Variants in SLC7A8 observed in about 807,000 individuals in gnomAD.
SLC7A8 encodes the protein solute carrier family 7 member 8.
A neutral mutation model predicts 51.2 loss-of-function variants in SLC7A8; 30 were observed. The observed-to-expected ratio is 0.59, with a 90% CI of 0.44 to 0.80. SLC7A8 has a LOEUF of 0.80. Ranked by LOEUF, SLC7A8 falls within the 30% of genes least tolerant of loss-of-function variation. SLC7A8 has a pLI of 0.00. For synonymous variants in SLC7A8, 257 were observed against 275.8 expected (o/e 0.93, Z 0.67); for missense variants, 612 against 674.4 (o/e 0.91, Z 1.03).
chr14:23,142,186 G>C (rs2048751549), intron 4 of SLC7A8, among the ~76,000 whole-genome samples: 1 of 152,214 alleles, frequency 6.6e-6, no homozygotes, highest in African/African-American at 2.4e-5. Flanking sequence ...TTCAGGGCTT[G>C]TGGGAAATTT....
intron 1 of SLC7A8, among the ~76,000 whole-genome samples, chr14:23,173,488 C>T (rs1475729233): frequency 6.6e-6 from 1 of 152,100 alleles, no homozygotes; most frequent in African/African-American, 2.4e-5. Flanking sequence ...AATTTCAGAA[C>T]CAAAATTATT....
At chr14:23,131,830 G>C (rs1310581819) in intron 7 of SLC7A8, among the ~76,000 whole-genome samples, 1 of 152,192 alleles carries the variant, frequency 6.6e-6, no homozygotes, top group Non-Finnish European at 1.5e-5. Context: ...ACTGATAATT[G>C]TACTGTCACT....
At chr14:23,173,751 C>T (rs1380229644) in intron 1 of SLC7A8, among the ~76,000 whole-genome samples, 1 of 152,118 alleles carries the variant, frequency 6.6e-6, no homozygotes, top group Non-Finnish European at 1.5e-5. Context: ...AAGCAATCCT[C>T]CCACCTCAGC....
At chr14:23,131,628 C>T in intron 7 of SLC7A8, 71 bp from the exon 8 acceptor site, 1 of 1,252,184 alleles carries the variant, frequency 8.0e-7, no homozygotes, top group South Asian at 1.6e-5. Context: ...TTCATCCTTG[C>T]CTACCTTCTG....
At chr14:23,129,501 C>A in intron 9 of SLC7A8, 149 bp downstream of exon 9, 1 of 842,262 alleles carries the variant, frequency 1.2e-6, no homozygotes. Flanking sequence ...TGGTCCCATT[C>A]ACAAATGGCC....
At chr14:23,136,759 G>A (rs999881675) in intron 7 of SLC7A8, among the ~76,000 whole-genome samples, 1 of 152,182 alleles carries the variant, frequency 6.6e-6, no homozygotes, top group Non-Finnish European at 1.5e-5. Flanking sequence ...CCACTCTAAA[G>A]TGACTGTAGC....
At chr14:23,157,719 A>G (rs1329080317) in intron 3 of SLC7A8, among the ~76,000 whole-genome samples, 2 of 152,168 alleles carry the variant, frequency 1.3e-5, no homozygotes, top group Admixed American at 6.5e-5. Flanking sequence ...TCCGTGCTGA[A>G]TATTGCCTGA....
At chr14:23,180,153 G>T (rs574249757) in intron 1 of SLC7A8, among the ~76,000 whole-genome samples, 7 of 152,156 alleles carry the variant, frequency 4.6e-5, no homozygotes, top group Admixed American at 3.3e-4. Flanking sequence ...TGATCCGCCC[G>T]CCTTGGCCTC....
In SLC7A8 at chr14:23,135,308, C is replaced by T. The variant is rs1013277759; in HGVS notation, c.1016+2613G>A. 7.1e-4 allele frequency among the ~76,000 whole-genome samples: 108 copies of T among 151,208 alleles called. 2 individuals are homozygous for T. The highest frequency in any genetic ancestry group is 5.3e-4 in the Admixed American group (8 of 15,218). The stretch of plus-strand genomic sequence containing the variant: ...GTTTCATTATATTGGCTAGGCTGGT[C>T]TCAAACTCCTGACCTTGTGATCCGC... On this transcript the variant is annotated intron_variant, in intron 7 of 10. Transcript: ENST00000316902.
rs748587205 is a variant in SLC7A8 at position 23,182,756 on chromosome 14, G to A, written c.151+8C>T. ...GAGGAGGGGTCCGCGGGAAGGAATG[G>A]AACTCACCTACGATGATACCACAGG... On this transcript the variant is annotated splice_region_variant and intron_variant, in intron 1 of 10. Transcript: ENST00000316902. The A allele has an allele frequency of 6.4e-7, 1 of 1,552,672 alleles. No individual in the cohort carries two copies. The highest frequency in any genetic ancestry group is 8.7e-7 in the Non-Finnish European group (1 of 1,151,376).
At chr14:23,169,793 A>G (rs2048967472) in intron 1 of SLC7A8, among the ~76,000 whole-genome samples, 1 of 152,184 alleles carries the variant, frequency 6.6e-6, no homozygotes, top group South Asian at 2.1e-4. Context: ...TATTATCCCT[A>G]TTTTATGGAT....
chr14:23,173,786 G>A (rs766105673), intron 1 of SLC7A8, among the ~76,000 whole-genome samples: 3 of 151,298 alleles, frequency 2.0e-5, no homozygotes, highest in Admixed American at 6.6e-5. Flanking sequence ...GACCACAGGC[G>A]TGTGCCACCC....
At chr14:23,143,356 C>T (rs1213305417) in intron 3 of SLC7A8, 152 bp from the exon 4 acceptor site, 2 of 1,090,080 alleles carry the variant, frequency 1.8e-6, no homozygotes, top group Non-Finnish European at 2.6e-6. Context: ...GGACCAGAGA[C>T]TTTGGCTAGG....
At position 23,128,185 on chromosome 14, in the gene SLC7A8, C is replaced by G. The variant is rs1227128995; in HGVS notation, c.1275G>C (p.Leu425=). The change falls in exon 10 of 11, where the codon CTG becomes CTC. Residue 425 remains leucine, a synonymous_variant. Transcript: ENST00000316902. This position sits in a 1 kb window ranked among gnomAD's most constrained non-coding sequence, Gnocchi z 4.3. The part of the protein sequence containing the change: ...DIPRPIKINL[L]FPIIYLLFWA... Reference sequence around the variant, plus strand: ...AGAACAGCAAGTAGATGATGGGGAACAGCAGGTTGATCTGTGGAGCAGAGG... The same window carrying G: ...AGAACAGCAAGTAGATGATGGGGAAGAGCAGGTTGATCTGTGGAGCAGAGG... The G allele has an allele frequency of 6.2e-7, 1 of 1,614,098 alleles. No homozygotes were observed. The highest frequency in any genetic ancestry group is 8.5e-7 in the Non-Finnish European group (1 of 1,179,986).
chr14:23,139,220 T>C (rs1463092828), intron 6 of SLC7A8, among the ~76,000 whole-genome samples: 4 of 152,188 alleles, frequency 2.6e-5, no homozygotes, highest in African/African-American at 7.2e-5. Context: ...CCATTGTAGC[T>C]GTTCTAGGTA....
In SLC7A8 at chr14:23,137,962, G is replaced by T. The variant is rs1207824938; in HGVS notation, c.975C>A (p.Ser325=). The T allele has an allele frequency of 1.9e-6, 3 of 1,613,670 alleles. No homozygotes were observed. The highest frequency in any genetic ancestry group is 2.5e-6 in the Non-Finnish European group (3 of 1,180,014). ...GAGACCCATTAACTCCTCCAAATGT[G>T]GACAGGGCAACAGAAATGGGCATGA... The part of the protein sequence containing the change: ...AWIMPISVAL[S]TFGGVNGSLF... The change falls in exon 7 of 11, where the codon TCC becomes TCA. Residue 325 remains serine (S), a synonymous_variant. Coordinates refer to ENST00000316902, the MANE Select transcript of SLC7A8 (RefSeq NM_012244.4).
chr14:23,171,135 C>T lies in SLC7A8; in HGVS notation c.152-4595G>A, dbSNP rs143792395. On this transcript the variant is annotated intron_variant, in intron 1 of 10. Transcript: ENST00000316902. Reference sequence around the variant, plus strand: ...GTCTGTAAAGCCACTTAGAATGAGACGCACATCCGTCTGGTATTGCTGAGG... The same window carrying T: ...GTCTGTAAAGCCACTTAGAATGAGATGCACATCCGTCTGGTATTGCTGAGG... Among the ~76,000 whole-genome samples, 64 of 152,300 alleles carry T rather than the reference C, an allele frequency of 4.2e-4. 1 individual carries two copies. The South Asian group carries it at 7.7e-3, about 18-fold the overall frequency.
chr14:23,164,844 T>C (rs1365286668), intron 3 of SLC7A8, among the ~76,000 whole-genome samples: 1 of 151,520 alleles, frequency 6.6e-6, no homozygotes, highest in Non-Finnish European at 1.5e-5. Context: ...ATACAAAAAT[T>C]AGCCGGGCAT....
At chr14:23,160,487 C>T (rs976924232) in intron 3 of SLC7A8, among the ~76,000 whole-genome samples, 2 of 150,242 alleles carry the variant, frequency 1.3e-5, no homozygotes, top group African/African-American at 2.4e-5. Context: ...AGGAGAATGG[C>T]GTGAACCCGG....
Sources: gnomAD v4.1 joint callset for allele counts (sites outside exome capture counted in the v4.1 genomes callset) on GRCh38, gnomAD v4.1.1 for gene constraint, Gnocchi (gnomAD v3.1) non-coding constraint, MANE v1.5 for transcripts, NCBI Gene and HGNC (gene_info 2026-07-23, HGNC 2026-07-21) for gene names.